The following FREM1 variants were observed in gnomAD, a reference collection of about 807,000 sequenced individuals.
FREM1 encodes the protein FRAS1-related extracellular matrix protein 1.
FREM1 carries 220 observed loss-of-function variants against 210.1 expected under a neutral mutation model. The ratio of observed to expected loss-of-function variants is 1.05; its 90% CI spans 0.94 to 1.17. The LOEUF (loss-of-function observed/expected upper bound fraction) is 1.17. FREM1 is among the 50% of genes most tolerant of loss of function. The pLI is 0.00. For synonymous variants in FREM1, 1,189 were observed against 980.2 expected (o/e 1.21, Z -3.98); for missense variants, 3,454 against 2,675.5 (o/e 1.29, Z -6.42).
intron 30 of FREM1, among the ~76,000 whole-genome samples, 161 bp downstream of exon 30, chr9:14,749,966 C>T (rs1414934718): frequency 3.3e-5 from 5 of 152,188 alleles, no homozygotes; most frequent in Non-Finnish European, 5.9e-5. Context: ...CCACATGAAG[C>T]AGAAACCAGA....
intron 1 of FREM1, among the ~76,000 whole-genome samples, chr9:14,890,442 A>C (rs1836604417): frequency 1.3e-5 from 2 of 152,260 alleles, no homozygotes; most frequent in African/African-American, 4.8e-5. Context: ...CCTTCTAAAA[A>C]TTCACAATAT....
At chr9:14,784,666 C>CG (rs1183993065) in intron 23 of FREM1, 32 bp from the exon 24 acceptor site, 2 of 1,458,388 alleles carry the variant, frequency 1.4e-6, no homozygotes, top group African/African-American at 1.4e-5. Context: ...GGTCAATAAT[C>CG]ATATCAAAAA....
intron 29 of FREM1, among the ~76,000 whole-genome samples, chr9:14,754,905 G>A (rs543863763): frequency 5.0e-4 from 76 of 152,328 alleles, no homozygotes; most frequent in African/African-American, 1.6e-3. Flanking sequence ...CTGCACTCCA[G>A]CCTGGGTGAC....
At chr9:14,890,788 T>C (rs1312759831) in intron 1 of FREM1, among the ~76,000 whole-genome samples, 1 of 152,198 alleles carries the variant, frequency 6.6e-6, no homozygotes, top group Non-Finnish European at 1.5e-5. Flanking sequence ...AGAAAACTGA[T>C]TGCAGAGGGA....
intron 23 of FREM1, among the ~76,000 whole-genome samples, chr9:14,786,642 G>A (rs1563925584): frequency 6.6e-6 from 1 of 152,176 alleles, no homozygotes; most frequent in Non-Finnish European, 1.5e-5. Flanking sequence ...GCACAAGGGA[G>A]TCACCTGCAA....
At chr9:14,808,664 T>TA (rs1382712225) in intron 16 of FREM1, among the ~76,000 whole-genome samples, 2 of 152,196 alleles carry the variant, frequency 1.3e-5, no homozygotes, top group Non-Finnish European at 2.9e-5. Context: ...TTCTTCTTAT[T>TA]ATATATTAGC....
chr9:14,769,957 C>T (rs1847229854), intron 26 of FREM1, 89 bp from the exon 27 acceptor site: 9 of 633,440 alleles, frequency 1.4e-5, no homozygotes, highest in Non-Finnish European at 2.3e-5. Context: ...TTATTTTAAA[C>T]ACAGCTTTAA....
chr9:14,847,907 A>G (rs1205661631), intron 7 of FREM1, among the ~76,000 whole-genome samples: 2 of 152,210 alleles, frequency 1.3e-5, no homozygotes, highest in Non-Finnish European at 2.9e-5. Flanking sequence ...AGTAGGATGT[A>G]TAGCCAGAAT....
intron 1 of FREM1, among the ~76,000 whole-genome samples, chr9:14,882,029 A>G (rs533701996): frequency 6.6e-6 from 1 of 152,286 alleles, no homozygotes; most frequent in Admixed American, 6.5e-5. Flanking sequence ...GCAAAGCAGA[A>G]CCACCATACC....
rs1157453365 is a variant in FREM1 at position 14,871,688 on chromosome 9, G to A, written c.-267-2444C>T. On this transcript the variant is annotated intron_variant, in intron 1 of 36. Coordinates refer to ENST00000380880, the MANE Select transcript of FREM1 (RefSeq NM_001379081.2). ...ATCCCATTTGTCAATTTTGTCTTTT[G>A]TTTCCATTGCTTTTGGTGTTTTAGA... Among the ~76,000 whole-genome samples the A allele has an allele frequency of 3.3e-5, 5 of 152,208 alleles. No individual in the cohort carries two copies. In the East Asian group the frequency reaches 9.6e-4, roughly 29 times the overall value.
chr9:14,819,193 A>G (rs1376732317), intron 14 of FREM1, 41 bp downstream of exon 14: 1 of 1,432,868 alleles, frequency 7.0e-7, no homozygotes, highest in East Asian at 2.3e-5. Flanking sequence ...CTAGATAAGA[A>G]ACTAAAGCAT....
At chr9:14,884,571 G>C (rs1019270066) in intron 1 of FREM1, among the ~76,000 whole-genome samples, 5 of 152,122 alleles carry the variant, frequency 3.3e-5, no homozygotes, top group African/African-American at 1.2e-4. Context: ...AAATAATTTA[G>C]TAACATAATT....
intron 2 of FREM1, among the ~76,000 whole-genome samples, chr9:14,866,020 T>C (rs929444276): frequency 2.0e-5 from 3 of 152,222 alleles, no homozygotes; most frequent in African/African-American, 7.2e-5. Flanking sequence ...ATACCGACTT[T>C]AGAGGCTATA....
chr9:14,741,865 G>A (rs1841630400), intron 35 of FREM1, among the ~76,000 whole-genome samples: 1 of 151,986 alleles, frequency 6.6e-6, no homozygotes, highest in African/African-American at 2.4e-5. Flanking sequence ...CTAGCTTGAA[G>A]ATTCCTGAAG....
chr9:14,844,234 T>C (rs893371594), intron 8 of FREM1, among the ~76,000 whole-genome samples: 8 of 151,724 alleles, frequency 5.3e-5, no homozygotes, highest in African/African-American at 1.9e-4. Context: ...CCTTTTTTTT[T>C]TTTTTTCTTT....
chr9:14,812,129 C>G (rs1819513762), intron 16 of FREM1, among the ~76,000 whole-genome samples: 2 of 152,148 alleles, frequency 1.3e-5, no homozygotes, highest in South Asian at 4.1e-4. Context: ...CAAAGTCTTT[C>G]ATAGCAGGGT....
chr9:14,764,717 T>A (rs1380606762), intron 27 of FREM1, among the ~76,000 whole-genome samples: 1 of 152,198 alleles, frequency 6.6e-6, no homozygotes, highest in Non-Finnish European at 1.5e-5. Context: ...GAATGGTCTG[T>A]TTCAAAATGC....
chr9:14,809,821 C>G (rs1256328947), intron 16 of FREM1, among the ~76,000 whole-genome samples: 1 of 152,128 alleles, frequency 6.6e-6, no homozygotes, highest in Admixed American at 6.6e-5. Flanking sequence ...CACTATGCGT[C>G]AGGCACCGAT....
chr9:14,825,242 C>A (rs1032725116), intron 10 of FREM1, among the ~76,000 whole-genome samples: 5 of 151,884 alleles, frequency 3.3e-5, no homozygotes, highest in African/African-American at 9.7e-5. Flanking sequence ...AATCTCAGCA[C>A]TTTGGAAGGC....
Sources: allele counts gnomAD v4.1 joint callset (sites outside exome capture counted in the v4.1 genomes callset), GRCh38; gene constraint gnomAD v4.1.1; transcripts MANE v1.5; gene names NCBI Gene and HGNC (gene_info 2026-07-23, HGNC 2026-07-21).